PCSK5: variants seen among roughly 807,000 people sequenced by gnomAD.
PCSK5 encodes prohormone convertase 5.
Under a neutral mutation model 233.2 loss-of-function variants are expected in PCSK5, and 129 were observed. That is an observed-to-expected ratio of 0.55 (90% confidence interval 0.48 to 0.64). PCSK5 has a LOEUF of 0.64. PCSK5 is among the 30% of genes least tolerant of loss of function. The pLI, the probability that PCSK5 is intolerant of heterozygous loss-of-function variation, is 0.00. For missense variants in PCSK5, 2,076 were observed against 2,430.1 expected, an observed-to-expected ratio of 0.85 and a Z score of 3.06; for synonymous variants, 825 against 879.2, an observed-to-expected ratio of 0.94 and a Z score of 1.09.
intron 7 of PCSK5, among the ~76,000 whole-genome samples, chr9:76,092,078 C>G (rs1831314155): frequency 6.6e-6 from 1 of 152,074 alleles, no homozygotes; most frequent in Admixed American, 6.5e-5. Flanking sequence ...GACCTGTGTT[C>G]ATACTTCTGA....
intron 3 of PCSK5, among the ~76,000 whole-genome samples, chr9:75,986,860 A>G (rs1563956689): frequency 6.6e-6 from 1 of 152,198 alleles, no homozygotes; most frequent in Non-Finnish European, 1.5e-5. Flanking sequence ...TTTACTTGGC[A>G]TGGCCTCCTT....
intron 20 of PCSK5, among the ~76,000 whole-genome samples, chr9:76,221,958 G>A (rs149085343): frequency 4.4e-4 from 67 of 152,308 alleles, no homozygotes; most frequent in African/African-American, 1.5e-3. Context: ...GGAAGGACAA[G>A]GGCAAGTTGT....
intron 1 of PCSK5, among the ~76,000 whole-genome samples, chr9:75,896,284 T>C (rs1197129719): frequency 5.3e-5 from 8 of 152,194 alleles, no homozygotes; most frequent in South Asian, 2.1e-4. Flanking sequence ...TATGTGGTCA[T>C]TGGGGATTTC....
chr9:76,046,155 C>CTTTTGTTTTTT (rs1829364815), intron 5 of PCSK5, among the ~76,000 whole-genome samples: 4 of 55,700 alleles, frequency 7.2e-5, no homozygotes, highest in East Asian at 5.5e-4. Context: ...ATAATTTTTT[C>CTTTTGTTTTTT]TTTTGTTTTT....
intron 24 of PCSK5, among the ~76,000 whole-genome samples, chr9:76,265,207 G>A (rs1827297588): frequency 6.6e-6 from 1 of 151,858 alleles, no homozygotes; most frequent in Non-Finnish European, 1.5e-5. Context: ...CTAAACATGG[G>A]GTACTCATGG....
At position 75,902,214 on chromosome 9, in the gene PCSK5, T is replaced by TAAAAAAAAAAAAAAA. The variant is rs200579439; in HGVS notation, c.192+10856_192+10870dup. Among the ~76,000 whole-genome samples the TAAAAAAAAAAAAAAA allele has an allele frequency of 4.7e-3, 252 of 53,252 alleles. 3 individuals carry two copies. Among genetic ancestry groups the TAAAAAAAAAAAAAAA allele is most frequent in the African/African-American group, 6.8e-3 (85 of 12,536 alleles). The allele number at this position is 53,252 out of a possible 152,430, so 34.9% of individuals were successfully genotyped here. A position where few individuals can be genotyped will look rare whatever the true frequency, so the allele number is the denominator to read the frequency against. On this transcript the variant is annotated intron_variant, in intron 1 of 37. Transcript: ENST00000674117. ...CTGGGTGACAGAGTGAGACACCATC[T>TAAAAAAAAAAAAAAA]AAAAAAAAAAAAAAAAAAAAAAAAA...
At chr9:76,242,880 C>T (rs761770647) in intron 24 of PCSK5, among the ~76,000 whole-genome samples, 5 of 152,174 alleles carry the variant, frequency 3.3e-5, no homozygotes, top group Non-Finnish European at 5.9e-5. Context: ...CAAGTCTACC[C>T]AGCAAGATAC....
intron 8 of PCSK5, among the ~76,000 whole-genome samples, chr9:76,098,283 A>G (rs1410064450): frequency 1.3e-5 from 2 of 152,176 alleles, no homozygotes. Flanking sequence ...AGTACCTCCA[A>G]CATTCATCAA....
chr9:76,199,816 A>C (rs1490562625), intron 20 of PCSK5, among the ~76,000 whole-genome samples: 2 of 152,056 alleles, frequency 1.3e-5, no homozygotes, highest in Non-Finnish European at 2.9e-5. Context: ...CAAGATTCAC[A>C]CCTGTAGATT....
chr9:75,940,347 G>A (rs1308844325), intron 2 of PCSK5, among the ~76,000 whole-genome samples: 1 of 152,172 alleles, frequency 6.6e-6, no homozygotes, highest in Non-Finnish European at 1.5e-5. Flanking sequence ...CTCCTTATAA[G>A]TGTGGCCCAG....
At position 76,358,883 on chromosome 9, in the gene PCSK5, G is replaced by C. The variant is rs754185683; in HGVS notation, c.5625G>C (p.Glu1875Asp). ...TGCTGGATGACGATGACATAGATGA[G>C]CTGGAATATGATGACGAGAGTTACT... ...YGLLDDDDIDELEYDDESYSY... is the reference protein window; with the variant it reads ...YGLLDDDDIDDLEYDDESYSY... Residue 1875 changes from glutamate to aspartate, a missense_variant, in exon 38 of 38, where the codon GAG (glutamate) becomes GAC (aspartate). Transcript: ENST00000674117. 4 of 1,612,726 alleles carry C rather than the reference G, an allele frequency of 2.5e-6. No homozygotes were observed. The highest frequency in any genetic ancestry group is 1.7e-5 in the Admixed American group (1 of 59,996).
In PCSK5 at chr9:75,919,110, G is replaced by A. The variant is rs143109468; in HGVS notation, c.193-13269G>A. 2.7e-3 allele frequency among the ~76,000 whole-genome samples: 414 copies of A among 152,320 alleles called. 2 individuals are homozygous for A. Among genetic ancestry groups the A allele is most frequent in the African/African-American group, 9.4e-3 (390 of 41,568 alleles). Reference sequence around the variant, plus strand: ...TCGGAAAATTCCTTAGTGCTGCTATGTGGTCAGCCTTTTGCCTCACCTCTC... The same window carrying A: ...TCGGAAAATTCCTTAGTGCTGCTATATGGTCAGCCTTTTGCCTCACCTCTC... On this transcript the variant is annotated intron_variant, in intron 1 of 37. Coordinates refer to ENST00000674117, the MANE Select transcript of PCSK5 (RefSeq NM_001372043.1).
intron 2 of PCSK5, among the ~76,000 whole-genome samples, chr9:75,980,742 C>G (rs994006477): frequency 8.2e-6 from 1 of 122,076 alleles, no homozygotes; most frequent in African/African-American, 3.0e-5. Flanking sequence ...TTGCTAAATT[C>G]TCTGATTTTT....
chr9:76,258,053 C>T (rs1827040637), intron 24 of PCSK5, among the ~76,000 whole-genome samples: 1 of 152,118 alleles, frequency 6.6e-6, no homozygotes, highest in Non-Finnish European at 1.5e-5. Context: ...TCCACAGCTC[C>T]CAGGTACAGG....
In PCSK5 at chr9:76,247,187, T is replaced by C. The variant is rs956347543; in HGVS notation, c.3142+6503T>C. Among the ~76,000 whole-genome samples, 7 of 152,252 alleles carry C rather than the reference T, an allele frequency of 4.6e-5. No homozygotes were observed. The East Asian group carries it at 7.7e-4, about 17-fold the overall frequency. On this transcript the variant is annotated intron_variant, in intron 24 of 37. Coordinates refer to ENST00000674117, the MANE Select transcript of PCSK5 (RefSeq NM_001372043.1). ...GGAGCACAGTGGACACCCTGCCTGA[T>C]CTGGAGGGATGGAAGTCAGCGGCAG...
At chr9:76,330,344 A>G (rs1829490127) in intron 33 of PCSK5, among the ~76,000 whole-genome samples, 1 of 152,222 alleles carries the variant, frequency 6.6e-6, no homozygotes. Flanking sequence ...TAACTAAAAA[A>G]GAAGTCATAG....
chr9:76,105,398 G>T (rs1427066009), intron 8 of PCSK5, among the ~76,000 whole-genome samples: 6 of 152,186 alleles, frequency 3.9e-5, no homozygotes, highest in Non-Finnish European at 7.3e-5. Context: ...GTGAGGAACT[G>T]TTCAGTGGTT....
chr9:76,340,805 G>A (rs1239271183), intron 35 of PCSK5, among the ~76,000 whole-genome samples: 1 of 151,860 alleles, frequency 6.6e-6, no homozygotes, highest in Non-Finnish European at 1.5e-5. Context: ...GTTATACTAG[G>A]TTAATTCTTC....
chr9:76,056,697 T>C (rs1318567752), intron 5 of PCSK5, among the ~76,000 whole-genome samples: 3 of 152,178 alleles, frequency 2.0e-5, no homozygotes, highest in Admixed American at 6.5e-5. Flanking sequence ...GTTAAAATGG[T>C]TTTTTGAGGT....
Sources: gnomAD v4.1 joint callset for allele counts (sites outside exome capture counted in the v4.1 genomes callset) on GRCh38, gnomAD v4.1.1 for gene constraint, MANE v1.5 for transcripts, NCBI Gene and HGNC (gene_info 2026-07-23, HGNC 2026-07-21) for gene names.